Variants in SCAPER observed in about 807,000 individuals in gnomAD.
The protein encoded by SCAPER is S-phase cyclin A associated protein in the ER.
SCAPER carries 98 observed loss-of-function variants against 182.2 expected under a neutral mutation model. The ratio of observed to expected loss-of-function variants is 0.54; its 90% CI spans 0.46 to 0.64. The LOEUF is 0.64. SCAPER is among the 30% of genes least tolerant of loss of function. The pLI, the probability that SCAPER is intolerant of heterozygous loss-of-function variation, is 0.00. For synonymous variants in SCAPER, 605 were observed against 564.6 expected, an observed-to-expected ratio of 1.07 and a Z score of -1.01; for missense variants, 1,432 against 1,690.0, an observed-to-expected ratio of 0.85 and a Z score of 2.68.
At chr15:76,696,775 T>G (rs1048428075) in intron 20 of SCAPER, among the ~76,000 whole-genome samples, 4 of 152,196 alleles carry the variant, frequency 2.6e-5, no homozygotes, top group Admixed American at 2.6e-4. Context: ...TTAGAATGTA[T>G]TTAAAACTAC....
At chr15:76,713,564 G>A (rs913562276) in intron 17 of SCAPER, among the ~76,000 whole-genome samples, 3 of 151,890 alleles carry the variant, frequency 2.0e-5, no homozygotes, top group African/African-American at 4.8e-5. Context: ...TTACTCATAG[G>A]TGGGAAATGA....
At chr15:76,870,837 A>G (rs867134656) in intron 2 of SCAPER, among the ~76,000 whole-genome samples, 13 of 152,176 alleles carry the variant, frequency 8.5e-5, no homozygotes, top group African/African-American at 2.7e-4. Flanking sequence ...CTAACAAAAG[A>G]TCATACCACG....
chr15:76,427,118 G>C (rs1330740665), intron 26 of SCAPER, among the ~76,000 whole-genome samples: 1 of 152,086 alleles, frequency 6.6e-6, no homozygotes, highest in Non-Finnish European at 1.5e-5. Flanking sequence ...GAATGTACTA[G>C]AAGAAAACAC....
intron 24 of SCAPER, among the ~76,000 whole-genome samples, chr15:76,489,807 C>G (rs148323147): frequency 4.6e-5 from 7 of 152,280 alleles, no homozygotes; most frequent in Admixed American, 3.9e-4. Context: ...ATTTTCCCCT[C>G]TCCCATGCTC....
At chr15:76,669,403 T>G (rs1350833681) in intron 20 of SCAPER, among the ~76,000 whole-genome samples, 1 of 152,110 alleles carries the variant, frequency 6.6e-6, no homozygotes, top group Non-Finnish European at 1.5e-5. Context: ...ATAACCCAGG[T>G]CTTTCTTTTC....
intron 22 of SCAPER, among the ~76,000 whole-genome samples, chr15:76,606,885 C>T (rs1174958773): frequency 6.6e-6 from 1 of 152,166 alleles, no homozygotes; most frequent in Non-Finnish European, 1.5e-5. Context: ...CTTCTTCCAT[C>T]CCTTTATTTT....
intron 22 of SCAPER, among the ~76,000 whole-genome samples, chr15:76,608,925 C>T (rs2050722779): frequency 6.6e-6 from 1 of 152,160 alleles, no homozygotes; most frequent in South Asian, 2.1e-4. Context: ...CGTCTGTCAC[C>T]CCTTTCTTTG....
intron 15 of SCAPER, among the ~76,000 whole-genome samples, chr15:76,742,469 A>C (rs1316633764): frequency 4.5e-5 from 1 of 22,172 alleles, no homozygotes; most frequent in Non-Finnish European, 1.7e-4. Context: ...CTTTTCCTAA[A>C]AAAAAAAAAA....
At chr15:76,469,238 GCT>G in intron 25 of SCAPER, among the ~76,000 whole-genome samples, 1 of 152,234 alleles carries the variant, frequency 6.6e-6, no homozygotes, top group Non-Finnish European at 1.5e-5. Flanking sequence ...CATAGAATAA[GCT>G]TCATGGAGTA....
intron 12 of SCAPER, 45 bp downstream of exon 12, chr15:76,765,518 C>G: frequency 6.2e-7 from 1 of 1,606,292 alleles, no homozygotes; most frequent in Non-Finnish European, 8.5e-7. Flanking sequence ...TGAGAACAAA[C>G]TTTTGAACAC....
chr15:76,875,048 A>G (rs2151931646), intron 2 of SCAPER, among the ~76,000 whole-genome samples: 1 of 152,306 alleles, frequency 6.6e-6, no homozygotes, highest in East Asian at 1.9e-4. Flanking sequence ...GTCCGTTGAA[A>G]AACATAACTT....
At chr15:76,889,656 C>T (rs1299973757) in intron 1 of SCAPER, among the ~76,000 whole-genome samples, 1 of 152,128 alleles carries the variant, frequency 6.6e-6, no homozygotes, top group East Asian at 1.9e-4. Flanking sequence ...TACATGGACA[C>T]CCAGATTCAT....
At chr15:76,413,242 C>A (rs1187711421) in intron 26 of SCAPER, among the ~76,000 whole-genome samples, 1 of 152,090 alleles carries the variant, frequency 6.6e-6, no homozygotes, top group Non-Finnish European at 1.5e-5. Flanking sequence ...TCTTACTGAA[C>A]TAGCTAGAAC....
intron 23 of SCAPER, among the ~76,000 whole-genome samples, chr15:76,560,504 A>G (rs1567458662): frequency 1.3e-5 from 2 of 152,186 alleles, no homozygotes; most frequent in Admixed American, 1.3e-4. Context: ...GGAAACTGAC[A>G]CCCAGAGAAA....
intron 8 of SCAPER, among the ~76,000 whole-genome samples, chr15:76,794,249 A>G (rs1210479534): frequency 1.3e-5 from 2 of 152,252 alleles, no homozygotes; most frequent in Non-Finnish European, 2.9e-5. Context: ...TTATTCATGA[A>G]TAATCTGAAG....
At chr15:76,442,239 C>T (rs1490178067) in intron 25 of SCAPER, among the ~76,000 whole-genome samples, 1 of 152,116 alleles carries the variant, frequency 6.6e-6, no homozygotes, top group East Asian at 1.9e-4. Flanking sequence ...TTTCCCCACC[C>T]CCCAAAATAA....
chr15:76,762,731 C>T (rs978773997), intron 14 of SCAPER, among the ~76,000 whole-genome samples: 1 of 152,216 alleles, frequency 6.6e-6, no homozygotes, highest in Non-Finnish European at 1.5e-5. Flanking sequence ...TCACTGCAGC[C>T]TCAAACTCCC....
intron 14 of SCAPER, among the ~76,000 whole-genome samples, chr15:76,757,827 A>C (rs1368209945): frequency 6.6e-6 from 1 of 152,140 alleles, no homozygotes; most frequent in Non-Finnish European, 1.5e-5. Context: ...ATTTCACTCA[A>C]GTTCGATTTC....
intron 10 of SCAPER, among the ~76,000 whole-genome samples, chr15:76,770,896 G>GT (rs1210870204): frequency 6.6e-6 from 1 of 151,960 alleles, no homozygotes; most frequent in Non-Finnish European, 1.5e-5. Flanking sequence ...CTAAACATTT[G>GT]TTTTTTGTAT....
Sources: gnomAD v4.1 joint callset for allele counts (sites outside exome capture counted in the v4.1 genomes callset) on GRCh38, gnomAD v4.1.1 for gene constraint, MANE v1.5 for transcripts, NCBI Gene and HGNC (gene_info 2026-07-23, HGNC 2026-07-21) for gene names.